CPSF3: variants seen among roughly 807,000 people sequenced by gnomAD.
CPSF3 encodes cleavage and polyadenylation specificity factor subunit 3.
In CPSF3, 57 loss-of-function variants were observed where a neutral mutation model predicts 84.1. The observed-to-expected ratio is 0.68, with a 90% CI of 0.55 to 0.85. CPSF3 has a LOEUF of 0.85. CPSF3 is among the 40% of genes least tolerant of loss of function. The pLI is 0.00. For missense variants in CPSF3, 522 were observed against 838.8 expected, an observed-to-expected ratio of 0.62 and a Z score of 4.66; for synonymous variants, 275 against 278.1, an observed-to-expected ratio of 0.99 and a Z score of 0.11.
At position 9,449,765 on chromosome 2, in the gene CPSF3, C is replaced by T. The variant is rs1400073100; in HGVS notation, c.1395+1415C>T. Reference sequence around the variant, plus strand: ...TCAAAAAAATAAAAAAAGAATTAATCATTTTTGAGAGTGAAATGTAACATT... The same window carrying T: ...TCAAAAAAATAAAAAAAGAATTAATTATTTTTGAGAGTGAAATGTAACATT... On this transcript the variant is annotated intron_variant, in intron 11 of 17. Transcript: ENST00000238112. 3.3e-5 allele frequency among the ~76,000 whole-genome samples: 5 copies of T among 151,962 alleles called. No homozygotes were observed. In the East Asian group the frequency reaches 9.6e-4, roughly 29 times the overall value.
chr2:9,464,908 A>G (rs1417536715), intron 15 of CPSF3, among the ~76,000 whole-genome samples: 1 of 151,444 alleles, frequency 6.6e-6, no homozygotes, highest in African/African-American at 2.4e-5. Context: ...TTTTTTTTTA[A>G]TGGAGATGGG....
chr2:9,443,188 A>G (rs1681012738), intron 9 of CPSF3, among the ~76,000 whole-genome samples: 1 of 152,230 alleles, frequency 6.6e-6, no homozygotes, highest in Non-Finnish European at 1.5e-5. Flanking sequence ...CAGAATAGAA[A>G]TATATCCACA....
At chr2:9,444,372 C>T (rs558321903) in intron 10 of CPSF3, among the ~76,000 whole-genome samples, 83 of 151,788 alleles carry the variant, frequency 5.5e-4, no homozygotes, top group African/African-American at 1.8e-3. Context: ...ATGATACACC[C>T]GCCTCGGCCT....
chr2:9,468,820 G>A (rs535775061), intron 16 of CPSF3, among the ~76,000 whole-genome samples: 1 of 151,744 alleles, frequency 6.6e-6, no homozygotes, highest in African/African-American at 2.4e-5. Flanking sequence ...TAGGGACAGG[G>A]TTTCACCATA....
intron 11 of CPSF3, among the ~76,000 whole-genome samples, chr2:9,449,419 G>C (rs1681241242): frequency 6.6e-6 from 1 of 151,050 alleles, no homozygotes; most frequent in Non-Finnish European, 1.5e-5. Context: ...GAGTGAGACT[G>C]TGTCTCAAAA....
chr2:9,424,443 C>A, intron 1 of CPSF3: 1 of 172,134 alleles, frequency 5.8e-6, no homozygotes, highest in Non-Finnish European at 1.2e-5. Flanking sequence ...TTTCAGTGGA[C>A]ACGATCCTCA....
At chr2:9,435,909 T>A (rs372257575) in intron 6 of CPSF3, among the ~76,000 whole-genome samples, 1 of 152,074 alleles carries the variant, frequency 6.6e-6, no homozygotes, top group South Asian at 2.1e-4. Context: ...ATTTTTGTAT[T>A]TTTAGTAGAG....
intron 14 of CPSF3, 84 bp from the exon 15 acceptor site, chr2:9,459,447 C>A: frequency 3.7e-6 from 3 of 816,158 alleles, no homozygotes; most frequent in Non-Finnish European, 6.6e-6. Context: ...ATGTACAGTC[C>A]ATGGTTTGGT....
chr2:9,441,035 G>GTATT (rs1680946684), intron 8 of CPSF3, among the ~76,000 whole-genome samples: 1 of 152,174 alleles, frequency 6.6e-6, no homozygotes, highest in South Asian at 2.1e-4. Context: ...TGTGTTCTCA[G>GTATT]TATTTATAAT....
At chr2:9,465,871 GGTGT>G (rs143920543) in intron 15 of CPSF3, among the ~76,000 whole-genome samples, 9 of 151,322 alleles carry the variant, frequency 5.9e-5, no homozygotes, top group East Asian at 1.9e-4. Context: ...ATATATATGG[GGTGT>G]GTGTGTGTGT....
intron 15 of CPSF3, among the ~76,000 whole-genome samples, chr2:9,466,380 TCGCACACACGCGCACACACA>T (rs1681972775): frequency 7.7e-6 from 1 of 130,184 alleles, no homozygotes; most frequent in South Asian, 2.4e-4. Context: ...ACCCACGCAC[TCGCACACACGCGCACACACA>T]CGCACGCGCA....
At chr2:9,465,501 G>A (rs1357434234) in intron 15 of CPSF3, among the ~76,000 whole-genome samples, 3 of 151,888 alleles carry the variant, frequency 2.0e-5, no homozygotes, top group African/African-American at 7.3e-5. Context: ...CTGTTTATAG[G>A]TGAGGCCATA....
intron 5 of CPSF3, among the ~76,000 whole-genome samples, chr2:9,433,310 G>A (rs1010747356): frequency 1.1e-4 from 17 of 152,202 alleles, no homozygotes; most frequent in Admixed American, 1.3e-4. Flanking sequence ...TTTGCTAGGT[G>A]ATTCTAACGT....
intron 15 of CPSF3, among the ~76,000 whole-genome samples, chr2:9,464,396 T>C (rs2124865046): frequency 6.6e-6 from 1 of 152,218 alleles, no homozygotes; most frequent in Middle Eastern, 3.4e-3. Context: ...AAGTTTCTTT[T>C]GATAGTTTCA....
intron 11 of CPSF3, among the ~76,000 whole-genome samples, chr2:9,451,741 A>ATTTT: frequency 6.6e-6 from 1 of 150,484 alleles, no homozygotes. Flanking sequence ...TTTTTGAGAA[A>ATTTT]AAGTCTCGCT....
intron 13 of CPSF3, among the ~76,000 whole-genome samples, chr2:9,456,706 T>C (rs1433158761): frequency 6.6e-6 from 1 of 152,212 alleles, no homozygotes; most frequent in Non-Finnish European, 1.5e-5. Flanking sequence ...TTGCCACTGA[T>C]AAAATGTTTG....
At chr2:9,459,427 G>GTAGTTCCAT in intron 14 of CPSF3, 104 bp from the exon 15 acceptor site, 1 of 743,474 alleles carries the variant, frequency 1.3e-6, no homozygotes, top group Non-Finnish European at 2.5e-6. Context: ...GCTAGAAGCA[G>GTAGTTCCAT]TAGTTCCATA....
At chr2:9,456,626 T>C (rs918195768) in intron 13 of CPSF3, among the ~76,000 whole-genome samples, 1 of 152,230 alleles carries the variant, frequency 6.6e-6, no homozygotes, top group Non-Finnish European at 1.5e-5. Context: ...TTTTATGTTA[T>C]ATGTTAAGAT....
At chr2:9,468,071 G>C (rs1318462088) in intron 16 of CPSF3, 1 of 293,038 alleles carries the variant, frequency 3.4e-6, no homozygotes, top group African/African-American at 2.2e-5. Context: ...TCAAGGACAA[G>C]TTCAAAAATC....
Sources: gnomAD v4.1 joint callset for allele counts (sites outside exome capture counted in the v4.1 genomes callset) on GRCh38, gnomAD v4.1.1 for gene constraint, MANE v1.5 for transcripts, NCBI Gene and HGNC (gene_info 2026-07-23, HGNC 2026-07-21) for gene names.